The following LCLAT1 variants were observed in gnomAD, a reference collection of about 807,000 sequenced individuals.
The protein encoded by LCLAT1 is lysocardiolipin acyltransferase 1.
A neutral mutation model predicts 30.7 loss-of-function variants in LCLAT1; 11 were observed. The ratio of observed to expected loss-of-function variants is 0.36; its 90% confidence interval spans 0.23 to 0.59. The LOEUF (loss-of-function observed/expected upper bound fraction) is 0.59. LCLAT1 is among the 20% of genes least tolerant of loss of function. The probability of loss-of-function intolerance (pLI) is 0.77; values close to 1 mark genes in which losing one functional copy is unlikely to be tolerated. For missense variants in LCLAT1, 402 were observed against 458.6 expected (o/e 0.88, Z 1.13); for synonymous variants, 155 against 151.3 (o/e 1.02, Z -0.18).
intron 3 of LCLAT1, among the ~76,000 whole-genome samples, 172 bp from the exon 4 acceptor site, chr2:30,561,974 A>G (rs897143612): frequency 5.3e-5 from 8 of 152,200 alleles, no homozygotes; most frequent in African/African-American, 1.4e-4. Flanking sequence ...ATTCTCTTAT[A>G]TATATGTTAG....
chr2:30,502,685 G>A (rs1473063966), intron 1 of LCLAT1, among the ~76,000 whole-genome samples: 1 of 150,654 alleles, frequency 6.6e-6, no homozygotes, highest in Non-Finnish European at 1.5e-5. Context: ...CATCTATGTT[G>A]TAGCATGTGT....
rs115456048 is a variant in LCLAT1, at chr2:30,582,608, A to G, written c.628+14432A>G. Among the ~76,000 whole-genome samples, 573 of 152,366 alleles carry G rather than the reference A, an allele frequency of 3.8e-3. 2 individuals are homozygous for G. Among genetic ancestry groups the G allele is most frequent in the African/African-American group, 0.013 (559 of 41,588 alleles). On this transcript the variant is annotated intron_variant, in intron 5 of 5. Transcript: ENST00000379509. ...AGTTTGGATGTAAATGCCATAATGT[A>G]TCATAAGCCCAGATTCCTTTTAAAA...
At chr2:30,538,928 T>C (rs1370817981) in intron 3 of LCLAT1, among the ~76,000 whole-genome samples, 1 of 151,676 alleles carries the variant, frequency 6.6e-6, no homozygotes, top group Non-Finnish European at 1.5e-5. Context: ...ACCAGATGGC[T>C]TCACTACTGA....
Position 30,490,424 on chromosome 2 carries a change from C to T in LCLAT1, c.-4-35163C>T, listed in dbSNP as rs372358102. ...GTTTCACCGTGTTAGCCAGGATGAC[C>T]TCGTGATCCGTCTGCCTCGGCCTCC... On this transcript the variant is annotated intron_variant, in intron 1 of 5. Transcript: ENST00000379509. 5.3e-4 allele frequency among the ~76,000 whole-genome samples: 81 copies of T among 152,144 alleles called. 1 individual carries two copies. The highest frequency in any genetic ancestry group is 1.9e-3 in the African/African-American group (77 of 41,502).
intron 5 of LCLAT1, among the ~76,000 whole-genome samples, chr2:30,627,834 G>C (rs900727377): frequency 5.6e-5 from 6 of 106,612 alleles, no homozygotes; most frequent in Non-Finnish European, 5.7e-5. Context: ...AAATAAAATA[G>C]AAGTTAACTA....
At position 30,602,095 on chromosome 2, in the gene LCLAT1, G is replaced by A. The variant is rs115249138; in HGVS notation, c.628+33919G>A. 6.6e-3 allele frequency among the ~76,000 whole-genome samples: 1,007 copies of A among 152,144 alleles called. 10 individuals are homozygous for A. Among genetic ancestry groups the A allele is most frequent in the African/African-American group, 0.023 (956 of 41,520 alleles). On this transcript the variant is annotated intron_variant, in intron 5 of 5. Transcript: ENST00000379509. Reference sequence around the variant, plus strand: ...TTTCATCCAGCTTCTTTCTCAATAGGATTTCAGGTGGCAGGCAATAGTTAG... The same window carrying A: ...TTTCATCCAGCTTCTTTCTCAATAGAATTTCAGGTGGCAGGCAATAGTTAG...
intron 5 of LCLAT1, among the ~76,000 whole-genome samples, chr2:30,600,759 G>T (rs112345715): frequency 2.0e-5 from 3 of 151,968 alleles, no homozygotes; most frequent in Non-Finnish European, 4.4e-5. Flanking sequence ...TATGTGTCTT[G>T]GTCTATGATG....
chr2:30,467,171 T>C (rs1418273846), intron 1 of LCLAT1, among the ~76,000 whole-genome samples: 2 of 152,110 alleles, frequency 1.3e-5, no homozygotes, highest in Non-Finnish European at 2.9e-5. Context: ...TTCCCACCTA[T>C]GAGTGAGAAT....
intron 5 of LCLAT1, among the ~76,000 whole-genome samples, chr2:30,605,234 AT>A (rs1403237180): frequency 1.3e-5 from 2 of 152,212 alleles, no homozygotes; most frequent in African/African-American, 2.4e-5. Flanking sequence ...ACACAGCCGT[AT>A]TTTCTAATTT....
chr2:30,531,198 G>T (rs1017573766), intron 2 of LCLAT1, among the ~76,000 whole-genome samples: 2 of 152,122 alleles, frequency 1.3e-5, no homozygotes, highest in Non-Finnish European at 2.9e-5. Context: ...CCGGGAGGCA[G>T]AGGTTGCAGT....
rs995879633 is a variant in LCLAT1 at position 30,595,858 on chromosome 2, C to T, written c.628+27682C>T. 3.3e-5 allele frequency among the ~76,000 whole-genome samples: 5 copies of T among 152,214 alleles called. No individual in the cohort carries two copies. In the East Asian group the frequency reaches 5.8e-4, roughly 18 times the overall value. ...TCCCCTAACTATGTCCATATGTTCT[C>T]GTTGTTCACCTCCCACTTACAAGTG... is the stretch of plus-strand genomic sequence containing the variant. On this transcript the variant is annotated intron_variant, in intron 5 of 5. Transcript: ENST00000379509.
intron 5 of LCLAT1, among the ~76,000 whole-genome samples, chr2:30,584,700 A>C (rs1286523663): frequency 6.6e-6 from 1 of 152,216 alleles, no homozygotes; most frequent in Non-Finnish European, 1.5e-5. Context: ...CTATGATGGC[A>C]GTTAGTCCAA....
At chr2:30,522,451 C>A (rs963705074) in intron 1 of LCLAT1, among the ~76,000 whole-genome samples, 20 of 152,080 alleles carry the variant, frequency 1.3e-4, no homozygotes, top group Non-Finnish European at 2.8e-4. Flanking sequence ...CCATCAAACT[C>A]TTGAGACTTG....
chr2:30,586,190 C>T (rs1000325052), intron 5 of LCLAT1, among the ~76,000 whole-genome samples: 1 of 140,846 alleles, frequency 7.1e-6, no homozygotes, highest in Non-Finnish European at 1.5e-5. Context: ...CTTGCGAAGC[C>T]GAGATCGCGC....
At chr2:30,570,246 A>G (rs1665723401) in intron 5 of LCLAT1, among the ~76,000 whole-genome samples, 1 of 152,172 alleles carries the variant, frequency 6.6e-6, no homozygotes, top group African/African-American at 2.4e-5. Flanking sequence ...GGTCTCCCCA[A>G]CATCCCTCCT....
At chr2:30,460,969 T>C (rs752109373) in intron 1 of LCLAT1, among the ~76,000 whole-genome samples, 2 of 152,236 alleles carry the variant, frequency 1.3e-5, no homozygotes, top group Non-Finnish European at 2.9e-5. Context: ...CTGCCCTCTT[T>C]CCTAGACCTT....
intron 1 of LCLAT1, among the ~76,000 whole-genome samples, chr2:30,474,969 A>G (rs931893951): frequency 2.0e-5 from 3 of 151,362 alleles, no homozygotes; most frequent in Non-Finnish European, 2.9e-5. Flanking sequence ...TGTTAGTTAT[A>G]CACAGATCCA....
At chr2:30,637,519 A>G (rs1292741867) in intron 5 of LCLAT1, among the ~76,000 whole-genome samples, 1 of 152,086 alleles carries the variant, frequency 6.6e-6, no homozygotes, top group Non-Finnish European at 1.5e-5. Flanking sequence ...CAAATGGTAA[A>G]TAGATCACCT....
intron 1 of LCLAT1, among the ~76,000 whole-genome samples, chr2:30,495,249 T>G (rs1232970620): frequency 6.6e-6 from 1 of 152,152 alleles, no homozygotes; most frequent in Non-Finnish European, 1.5e-5. Context: ...TGTTTATCGG[T>G]GTTCTTTGTC....
Sources: gnomAD v4.1 joint callset for allele counts (sites outside exome capture counted in the v4.1 genomes callset) on GRCh38, gnomAD v4.1.1 for gene constraint, MANE v1.5 for transcripts, NCBI Gene and HGNC (gene_info 2026-07-23, HGNC 2026-07-21) for gene names.